The following ENDOV variants were observed in gnomAD, a reference collection of about 807,000 sequenced individuals.
The protein encoded by ENDOV is hEndoV.
A neutral mutation model predicts 39.4 loss-of-function variants in ENDOV; 37 were observed. The ratio of observed to expected loss-of-function variants is 0.94; its 90% confidence interval spans 0.72 to 1.23. ENDOV has a LOEUF of 1.23. Ranked by LOEUF, ENDOV falls within the 50% of genes most tolerant of loss-of-function variation. The probability of loss-of-function intolerance (pLI) is 0.00; values close to 1 mark genes in which losing one functional copy is unlikely to be tolerated. For missense variants in ENDOV, 441 were observed against 375.7 expected, an observed-to-expected ratio of 1.17 and a Z score of -1.44; for synonymous variants, 186 against 163.4, an observed-to-expected ratio of 1.14 and a Z score of -1.05.
chr17:80,423,487 C>CCCA, intron 4 of ENDOV, 33 bp from the exon 5 acceptor site: 17 of 1,344,176 alleles, frequency 1.3e-5, no homozygotes, highest in Non-Finnish European at 1.5e-5. Context: ...CCAGCCCCAC[C>CCCA]TCCCCAACCC....
At chr17:80,419,558 C>G (rs955925912) in intron 2 of ENDOV, 1 of 702,598 alleles carries the variant, frequency 1.4e-6, no homozygotes, top group South Asian at 1.5e-5. Context: ...GAGCTGACTC[C>G]TACTTGTCTG....
intron 7 of ENDOV, chr17:80,427,883 C>A: frequency 8.1e-7 from 1 of 1,235,278 alleles, no homozygotes; most frequent in Non-Finnish European, 1.0e-6. Flanking sequence ...ACCGCTGCCC[C>A]ACTTCCCCCA....
rs2082115424 is a variant in ENDOV at position 80,422,113 on chromosome 17, A to G, written c.364-93A>G. The G allele has an allele frequency of 1.3e-6, 2 of 1,583,406 alleles. 1 individual carries two copies. Among genetic ancestry groups the G allele is most frequent in the South Asian group, 2.3e-5 (2 of 88,232 alleles). Reference sequence around the variant, plus strand: ...GAGGATTTCTAAAAAGCTGGACCCCAGAGACAGTGCCCCCTTCTTGCCTCA... The same window carrying G: ...GAGGATTTCTAAAAAGCTGGACCCCGGAGACAGTGCCCCCTTCTTGCCTCA... On this transcript the variant is annotated intron_variant, in intron 3 of 9. Coordinates refer to ENST00000518137, the MANE Select transcript of ENDOV (RefSeq NM_173627.5).
At chr17:80,430,485 C>T in intron 9 of ENDOV, 1 of 866,742 alleles carries the variant, frequency 1.2e-6, no homozygotes, top group Non-Finnish European at 1.6e-6. Flanking sequence ...ACTGAACCAC[C>T]TCTGCCCTGA....
intron 9 of ENDOV, among the ~76,000 whole-genome samples, chr17:80,431,955 G>A (rs549233313): frequency 6.6e-6 from 1 of 152,298 alleles, no homozygotes; most frequent in Admixed American, 6.5e-5. Context: ...CGGCTTTGAG[G>A]TTGTGTGGAC....
chr17:80,436,430 C>A lies in ENDOV; in HGVS notation c.*287C>A. On this transcript the variant is annotated 3_prime_UTR_variant, in exon 10 of 10. Coordinates refer to ENST00000518137, the MANE Select transcript of ENDOV (RefSeq NM_173627.5). ...TAGATTTTCAAGGATGCTCTTCATC[C>A]AGCTGAAGACGGTCCCTTCTAGTCC... 1.6e-6 allele frequency: 2 copies of A among 1,269,032 alleles called. No homozygotes were observed. The highest frequency in any genetic ancestry group is 2.1e-6 in the Non-Finnish European group (2 of 964,630). 78.6% of individuals were successfully genotyped at this position (1,269,032 alleles called of 1,614,324 possible). A position where few individuals can be genotyped will look rare whatever the true frequency, so the allele number is the denominator to read the frequency against.
chr17:80,425,403 A>G, intron 6 of ENDOV, 89 bp from the exon 7 acceptor site: 1 of 1,504,512 alleles, frequency 6.6e-7, no homozygotes, highest in African/African-American at 1.4e-5. Context: ...CCCCCAGGAC[A>G]TTTTGTCAGA....
At chr17:80,416,170 G>C (rs2081126427) in intron 2 of ENDOV, 1 of 189,272 alleles carries the variant, frequency 5.3e-6, no homozygotes, top group African/African-American at 2.5e-5. Flanking sequence ...CCGGGAGGCG[G>C]AGGTTGCGGT....
At chr17:80,434,853 G>A (rs1259380824) in intron 9 of ENDOV, among the ~76,000 whole-genome samples, 1 of 151,988 alleles carries the variant, frequency 6.6e-6, no homozygotes, top group African/African-American at 2.4e-5. Flanking sequence ...GGTTGAGGTG[G>A]GAGGATCACT....
In ENDOV at chr17:80,421,898, A is replaced by T; in HGVS notation, c.299A>T (p.Glu100Val). ...PYVSGFLAFREVPFLLELVQQ... is the reference protein window; with the variant it reads ...PYVSGFLAFRVVPFLLELVQQ... The stretch of plus-strand genomic sequence containing the variant: ...GTGTCGGGCTTCCTGGCCTTCCGAG[A>T]GGTGCCCTTCTTGCTGGAGCTGGTG... Residue 100 changes from glutamate to valine, a missense_variant, in exon 3 of 10, where the codon GAG (glutamate) becomes GTG (valine). Coordinates refer to ENST00000518137, the MANE Select transcript of ENDOV (RefSeq NM_173627.5). 1 of 1,610,636 alleles carries T rather than the reference A, an allele frequency of 6.2e-7. No individual in the cohort carries two copies.
intron 8 of ENDOV, among the ~76,000 whole-genome samples, chr17:80,429,015 C>T (rs1237747183): frequency 6.6e-6 from 1 of 152,192 alleles, no homozygotes; most frequent in Admixed American, 6.5e-5. Flanking sequence ...GGCGTGGCCT[C>T]GGAGTCAGAC....
chr17:80,418,470 C>CATTTTTTACATT (rs2081497344), intron 2 of ENDOV: 4 of 152,278 alleles, frequency 2.6e-5, no homozygotes, highest in Admixed American at 1.3e-4. Flanking sequence ...TACCATATTT[C>CATTTTTTACATT]TTTTACAACC....
At position 80,420,292 on chromosome 17, in the gene ENDOV, C is replaced by T. The variant is rs140955870; in HGVS notation, c.229-1536C>T. 4.8e-3 allele frequency: 730 copies of T among 152,472 alleles called. 1 individual carries two copies. Among genetic ancestry groups the T allele is most frequent in the Non-Finnish European group, 8.2e-3 (561 of 68,122 alleles). 9.4% of individuals were successfully genotyped at this position (152,472 alleles called of 1,614,324 possible). On this transcript the variant is annotated intron_variant, in intron 2 of 9. Coordinates refer to ENST00000518137, the MANE Select transcript of ENDOV (RefSeq NM_173627.5). Reference sequence around the variant, plus strand: ...TTCAGATGTAAGCAGCCACGCCCCTCCTGTGGGAACTCAGGCCACACTTGA... The same window carrying T: ...TTCAGATGTAAGCAGCCACGCCCCTTCTGTGGGAACTCAGGCCACACTTGA...
In ENDOV at chr17:80,422,294, G is replaced by C. The variant is rs745950120; in HGVS notation, c.403+49G>C. 3 of 1,602,598 alleles carry C rather than the reference G, an allele frequency of 1.9e-6. No individual in the cohort carries two copies. The Admixed American group carries it at 5.0e-5, about 27-fold the overall frequency. On this transcript the variant is annotated intron_variant, in intron 4 of 9. Transcript: ENST00000518137. ...GGGAGGGCACTGTGGGGAAGAGCGGGGGGAGAGGGCACCTCTGTCGTCCCC... is the reference window on the plus strand; with the variant it reads ...GGGAGGGCACTGTGGGGAAGAGCGGCGGGAGAGGGCACCTCTGTCGTCCCC...
rs1366771752 is a variant in ENDOV, at chr17:80,421,968, T to G, written c.363+6T>G. On this transcript the variant is annotated splice_donor_region_variant and intron_variant, in intron 3 of 9. Transcript: ENST00000518137. ...AGCCGGGCCTCATGCCCCAGGCAGG[T>G]GTCTCATCCCTAGGACGAGAGAAAG... 3 of 1,607,038 alleles carry G rather than the reference T, an allele frequency of 1.9e-6. No homozygotes were observed. The African/African-American group carries it at 4.0e-5, about 21-fold the overall frequency.
At position 80,436,354 on chromosome 17, in the gene ENDOV, A is replaced by AT. The variant is rs1323113697; in HGVS notation, c.*212dup. On this transcript the variant is annotated 3_prime_UTR_variant, in exon 10 of 10. Transcript: ENST00000518137. ...AGCACACGTCCTTGTCTTGTTCCTG[A>AT]TCTTAAGGGAACGTTTGCAGTCTTT... 1.3e-6 allele frequency: 2 copies of AT among 1,516,586 alleles called. No individual in the cohort carries two copies. Among genetic ancestry groups the AT allele is most frequent in the East Asian group, 2.4e-5 (1 of 41,332 alleles). The allele number at this position is 1,516,586 out of a possible 1,614,324, so 93.9% of individuals were successfully genotyped here. A position where few individuals can be genotyped will look rare whatever the true frequency, so the allele number is the denominator to read the frequency against.
chr17:80,433,378 GTCCGCCATGCTGTGCCAACCCC>G (rs2083440370), intron 9 of ENDOV, among the ~76,000 whole-genome samples: 1 of 152,238 alleles, frequency 6.6e-6, no homozygotes, highest in Non-Finnish European at 1.5e-5. Context: ...AAGGCCGTCA[GTCCGCCATGCTGTGCCAACCCC>G]AGTGATGAGA....
chr17:80,432,378 A>G (rs901283907), intron 9 of ENDOV, among the ~76,000 whole-genome samples: 2 of 151,678 alleles, frequency 1.3e-5, no homozygotes, highest in Non-Finnish European at 2.9e-5. Flanking sequence ...GCCTCCCAGC[A>G]CCCCTGTGGA....
intron 9 of ENDOV, among the ~76,000 whole-genome samples, chr17:80,430,737 C>T (rs992523250): frequency 6.6e-6 from 1 of 152,176 alleles, no homozygotes. Context: ...CTGTGCCCGG[C>T]GGGGGCTAGG....
Sources: allele counts gnomAD v4.1 joint callset (sites outside exome capture counted in the v4.1 genomes callset), GRCh38; gene constraint gnomAD v4.1.1; transcripts MANE v1.5; gene names NCBI Gene and HGNC (gene_info 2026-07-23, HGNC 2026-07-21).